PRKCE: variants seen among roughly 807,000 people sequenced by gnomAD.
The protein encoded by PRKCE is protein kinase C epsilon, also known as protein kinase C epsilon type.
Under a neutral mutation model 85.4 loss-of-function variants are expected in PRKCE, and 16 were observed. The ratio of observed to expected loss-of-function variants is 0.19; its 90% CI spans 0.13 to 0.28. The LOEUF (loss-of-function observed/expected upper bound fraction) is 0.28. PRKCE is among the 10% of genes least tolerant of loss of function. The probability of loss-of-function intolerance (pLI) is 1.00; values close to 1 mark genes in which losing one functional copy is unlikely to be tolerated. For missense variants in PRKCE, 573 were observed against 975.2 expected, an observed-to-expected ratio of 0.59 and a Z score of 5.49; for synonymous variants, 388 against 371.5, an observed-to-expected ratio of 1.04 and a Z score of -0.51.
intron 2 of PRKCE, among the ~76,000 whole-genome samples, chr2:45,903,267 GA>G (rs1442197618): frequency 4.6e-5 from 7 of 152,192 alleles, no homozygotes; most frequent in Non-Finnish European, 4.4e-5. Flanking sequence ...TCTTGGTTCA[GA>G]AGTTATTCCT....
intron 2 of PRKCE, among the ~76,000 whole-genome samples, chr2:45,892,301 G>T (rs1162721940): frequency 6.6e-6 from 1 of 152,138 alleles, no homozygotes; most frequent in African/African-American, 2.4e-5. Flanking sequence ...CACTTAGATG[G>T]ATGAAGCCAC....
chr2:46,135,604 G>T (rs1181217548), intron 11 of PRKCE, among the ~76,000 whole-genome samples: 2 of 152,062 alleles, frequency 1.3e-5, no homozygotes, highest in African/African-American at 4.8e-5. Flanking sequence ...GCTCCTAAAT[G>T]ATTGAATTTT....
At chr2:45,864,344 C>T (rs1190783168) in intron 2 of PRKCE, among the ~76,000 whole-genome samples, 2 of 152,220 alleles carry the variant, frequency 1.3e-5, no homozygotes, top group Admixed American at 6.5e-5. Flanking sequence ...GAAAGCCTAA[C>T]AATAACTGCC....
At chr2:45,672,341 T>A (rs761782122) in intron 1 of PRKCE, among the ~76,000 whole-genome samples, 2 of 151,918 alleles carry the variant, frequency 1.3e-5, no homozygotes, top group Non-Finnish European at 2.9e-5. Flanking sequence ...AATTCGTCCA[T>A]CCATCTCTTC....
At chr2:45,911,646 C>A (rs1017036077) in intron 2 of PRKCE, among the ~76,000 whole-genome samples, 2 of 152,170 alleles carry the variant, frequency 1.3e-5, no homozygotes, top group African/African-American at 2.4e-5. Context: ...TTTAGGAATG[C>A]CCCAGACCTG....
At chr2:46,096,235 A>G (rs1670668325) in intron 11 of PRKCE, among the ~76,000 whole-genome samples, 1 of 152,270 alleles carries the variant, frequency 6.6e-6, no homozygotes, top group African/African-American at 2.4e-5. Flanking sequence ...CATGGGAATT[A>G]TAATGCAAAC....
rs191619268 is a variant in PRKCE at position 45,933,812 on chromosome 2, C to T, written c.413-42617C>T. Among the ~76,000 whole-genome samples the T allele has an allele frequency of 8.4e-3, 1,284 of 152,204 alleles. 22 individuals are homozygous for T. The highest frequency in any genetic ancestry group is 0.029 in the African/African-American group (1,219 of 41,510). On this transcript the variant is annotated intron_variant, in intron 2 of 14. Coordinates refer to ENST00000306156, the MANE Select transcript of PRKCE (RefSeq NM_005400.3). Reference sequence around the variant, plus strand: ...TTAACTGGGAGTGGTTATTTTGACCCTAGGGGAACTAGGCTGCTTATAGCA... The same window carrying T: ...TTAACTGGGAGTGGTTATTTTGACCTTAGGGGAACTAGGCTGCTTATAGCA...
intron 1 of PRKCE, among the ~76,000 whole-genome samples, chr2:45,836,534 G>A (rs1181904243): frequency 6.6e-6 from 1 of 152,212 alleles, no homozygotes; most frequent in African/African-American, 2.4e-5. Context: ...GACACCTGCT[G>A]CCTGAATGTC....
At chr2:45,760,788 G>C (rs964736531) in intron 1 of PRKCE, among the ~76,000 whole-genome samples, 2 of 152,084 alleles carry the variant, frequency 1.3e-5, no homozygotes, top group African/African-American at 4.8e-5. Flanking sequence ...CCTGCCCCTG[G>C]GTTCCCACTT....
chr2:45,985,444 C>T (rs557242739), intron 6 of PRKCE, among the ~76,000 whole-genome samples: 3 of 152,074 alleles, frequency 2.0e-5, no homozygotes, highest in Admixed American at 6.5e-5. Flanking sequence ...GGTTGGGCAA[C>T]CGTGAACTAC....
intron 10 of PRKCE, among the ~76,000 whole-genome samples, chr2:46,016,909 CA>C (rs10555423): frequency 0.03 from 3,491 of 118,052 alleles, 101 homozygotes; most frequent in African/African-American, 0.084. Flanking sequence ...GACTCTGTCT[CA>C]AAAAAAAAAA....
chr2:45,935,770 G>A (rs1699401184), intron 2 of PRKCE, among the ~76,000 whole-genome samples: 1 of 142,360 alleles, frequency 7.0e-6, no homozygotes, highest in African/African-American at 2.6e-5. Context: ...ACACGACAAA[G>A]TGAGACTGTC....
At chr2:46,040,895 C>T (rs967064624) in intron 10 of PRKCE, among the ~76,000 whole-genome samples, 1 of 152,202 alleles carries the variant, frequency 6.6e-6, no homozygotes, top group East Asian at 1.9e-4. Flanking sequence ...ACTGACGAAT[C>T]TCAGTTTTAA....
chr2:45,938,510 T>G (rs1360619336), intron 2 of PRKCE, among the ~76,000 whole-genome samples: 1 of 152,196 alleles, frequency 6.6e-6, no homozygotes, highest in East Asian at 1.9e-4. Flanking sequence ...GTGATTGACC[T>G]GTTGTGTCCC....
chr2:46,005,361 T>C (rs1411293427), intron 8 of PRKCE, among the ~76,000 whole-genome samples: 1 of 152,208 alleles, frequency 6.6e-6, no homozygotes, highest in African/African-American at 2.4e-5. Context: ...TTATCAGATA[T>C]GCCTGGTAAG....
intron 1 of PRKCE, among the ~76,000 whole-genome samples, chr2:45,741,081 T>C (rs892550631): frequency 1.3e-5 from 2 of 152,230 alleles, no homozygotes; most frequent in Non-Finnish European, 2.9e-5. Context: ...TAAAATTAAA[T>C]GCGGAAATTT....
intron 5 of PRKCE, 122 bp downstream of exon 5, chr2:45,980,503 T>TA (rs1702801998): frequency 8.6e-6 from 8 of 934,444 alleles, no homozygotes; most frequent in African/African-American, 3.3e-5. Flanking sequence ...ATTGTGTTGA[T>TA]AAAAAAACAA....
chr2:46,085,671 A>C (rs1384905051), intron 10 of PRKCE, among the ~76,000 whole-genome samples: 3 of 139,804 alleles, frequency 2.1e-5, no homozygotes, highest in Non-Finnish European at 1.5e-5. Context: ...TTTAAGACCC[A>C]CGCTGGTAAT....
At chr2:45,886,172 T>C (rs111992981) in intron 2 of PRKCE, among the ~76,000 whole-genome samples, 20 of 152,354 alleles carry the variant, frequency 1.3e-4, no homozygotes, top group African/African-American at 3.8e-4. Context: ...TTTCTGTTCT[T>C]GGCCTTAGAA....
Sources: allele counts gnomAD v4.1 joint callset (sites outside exome capture counted in the v4.1 genomes callset), GRCh38; gene constraint gnomAD v4.1.1; transcripts MANE v1.5; gene names NCBI Gene and HGNC (gene_info 2026-07-23, HGNC 2026-07-21).